The following NT5DC1 variants were observed in gnomAD, a reference collection of about 807,000 sequenced individuals.
NT5DC1 encodes 5'-nucleotidase domain containing 1, also known as 5'-nucleotidase domain-containing protein 1.
A neutral mutation model predicts 59.4 loss-of-function variants in NT5DC1; 42 were observed. The ratio of observed to expected loss-of-function variants is 0.71; its 90% confidence interval spans 0.55 to 0.92. The LOEUF is 0.92. Among genes scored for constraint, NT5DC1 ranks in the 40% least tolerant of loss-of-function variants. NT5DC1 has a pLI of 0.00. For synonymous variants in NT5DC1, 172 were observed against 188.1 expected (o/e 0.91, Z 0.70); for missense variants, 501 against 537.1 (o/e 0.93, Z 0.66).
intron 6 of NT5DC1, among the ~76,000 whole-genome samples, chr6:116,197,931 G>A (rs1421500241): frequency 6.6e-6 from 1 of 152,026 alleles, no homozygotes; most frequent in Non-Finnish European, 1.5e-5. Flanking sequence ...CTTCACCCCA[G>A]ATAGGGCTGC....
At chr6:116,166,390 A>T (rs1780467289) in intron 6 of NT5DC1, among the ~76,000 whole-genome samples, 1 of 152,216 alleles carries the variant, frequency 6.6e-6, no homozygotes, top group Non-Finnish European at 1.5e-5. Context: ...ATTCAGTTCT[A>T]ATTAAAAACA....
At chr6:116,138,995 T>C (rs780610120) in intron 6 of NT5DC1, among the ~76,000 whole-genome samples, 32 of 152,156 alleles carry the variant, frequency 2.1e-4, no homozygotes, top group Non-Finnish European at 4.0e-4. Flanking sequence ...AGTAGAACTT[T>C]TTCAGATTAA....
chr6:116,229,754 A>G (rs1204808), intron 8 of NT5DC1, among the ~76,000 whole-genome samples: 114,291 of 152,088 alleles, frequency 0.75, 44,444 homozygotes, highest in East Asian at 1. Flanking sequence ...GCCCCTGCCC[A>G]CCATTGGGAG....
intron 6 of NT5DC1, among the ~76,000 whole-genome samples, chr6:116,183,741 C>T (rs538754944): frequency 2.9e-4 from 44 of 151,832 alleles, no homozygotes; most frequent in South Asian, 1.0e-3. Context: ...CATTTTTGTA[C>T]ATTAATTTTG....
chr6:116,175,165 A>C (rs1054371857), intron 6 of NT5DC1, among the ~76,000 whole-genome samples: 1 of 152,172 alleles, frequency 6.6e-6, no homozygotes, highest in African/African-American at 2.4e-5. Context: ...TCATATATAC[A>C]TTTGTATAAT....
chr6:116,230,567 C>G lies in NT5DC1; in HGVS notation c.803-6399C>G, dbSNP rs557443204. On this transcript the variant is annotated intron_variant, in intron 8 of 11. Coordinates refer to ENST00000319550, the MANE Select transcript of NT5DC1 (RefSeq NM_152729.3). ...CCTTAGATTCTGCATTTCTAAATAA[C>G]TTGTCTGGTGAAGCAGATGCTACTG... Among the ~76,000 whole-genome samples, 104 of 152,320 alleles carry G rather than the reference C, an allele frequency of 6.8e-4. 1 individual carries two copies. Among genetic ancestry groups the G allele is most frequent in the Middle Eastern group, 3.4e-3 (1 of 294 alleles).
chr6:116,106,064 G>A (rs1391911455), intron 1 of NT5DC1, among the ~76,000 whole-genome samples, 180 bp from the exon 2 acceptor site: 2 of 152,192 alleles, frequency 1.3e-5, no homozygotes, highest in African/African-American at 4.8e-5. Flanking sequence ...GCTACCTGGG[G>A]CATGCAGGGG....
chr6:116,204,636 C>T (rs151146334), intron 6 of NT5DC1, among the ~76,000 whole-genome samples: 6 of 151,994 alleles, frequency 3.9e-5, no homozygotes, highest in Non-Finnish European at 5.9e-5. Context: ...AAGAAGTACT[C>T]ATATGTATAC....
chr6:116,127,759 ACTG>A (rs1160861366), intron 6 of NT5DC1, among the ~76,000 whole-genome samples: 2 of 152,160 alleles, frequency 1.3e-5, no homozygotes, highest in Admixed American at 6.5e-5. Context: ...GCACACACAT[ACTG>A]CTATTTGCTT....
intron 6 of NT5DC1, among the ~76,000 whole-genome samples, chr6:116,133,658 G>A (rs926218915): frequency 6.6e-6 from 1 of 151,926 alleles, no homozygotes; most frequent in Non-Finnish European, 1.5e-5. Context: ...GCCCTTGTCT[G>A]TTTAGCCATT....
At chr6:116,175,621 TTC>T (rs1415538513) in intron 6 of NT5DC1, among the ~76,000 whole-genome samples, 4 of 152,230 alleles carry the variant, frequency 2.6e-5, no homozygotes, top group African/African-American at 4.8e-5. Context: ...CACAGTTTTT[TTC>T]TCTTTGTGTT....
At chr6:116,109,025 G>A (rs1778815136) in intron 3 of NT5DC1, among the ~76,000 whole-genome samples, 3 of 152,094 alleles carry the variant, frequency 2.0e-5, no homozygotes, top group African/African-American at 4.8e-5. Context: ...GCCTCTCAAC[G>A]GTTGCTAAGG....
At chr6:116,113,631 C>T (rs1778918282) in intron 4 of NT5DC1, among the ~76,000 whole-genome samples, 1 of 152,190 alleles carries the variant, frequency 6.6e-6, no homozygotes, top group Non-Finnish European at 1.5e-5. Context: ...GGACATTCAG[C>T]CCAAGTTCAA....
chr6:116,122,591 T>C (rs1779163973), intron 6 of NT5DC1, among the ~76,000 whole-genome samples: 1 of 152,182 alleles, frequency 6.6e-6, no homozygotes, highest in South Asian at 2.1e-4. Flanking sequence ...AATACAAATA[T>C]ATAGTGTTTG....
rs763939936 is a variant in NT5DC1, at chr6:116,244,242, TCTATA to T, written c.*220_*224del. ...AAAACTTAGAACCTTATTGATATTT[TCTATA>T]CAGTAGTTTTGTGATTAGAATTCAC... On this transcript the variant is annotated 3_prime_UTR_variant, in exon 12 of 12. Transcript: ENST00000319550. 8.1e-5 allele frequency: 28 copies of T among 346,622 alleles called. No homozygotes were observed. Among genetic ancestry groups the T allele is most frequent in the Non-Finnish European group, 1.3e-4 (25 of 191,008 alleles). The allele number at this position is 346,622 out of a possible 1,614,324, so 21.5% of individuals were successfully genotyped here. A position where few individuals can be genotyped will look rare whatever the true frequency, so the allele number is the denominator to read the frequency against.
At chr6:116,240,189 G>T (rs1024842984) in intron 11 of NT5DC1, among the ~76,000 whole-genome samples, 2 of 152,098 alleles carry the variant, frequency 1.3e-5, no homozygotes, top group Non-Finnish European at 2.9e-5. Flanking sequence ...TATGTGAATT[G>T]TTTTTAGAAA....
At chr6:116,160,245 A>G (rs1219159363) in intron 6 of NT5DC1, among the ~76,000 whole-genome samples, 9 of 152,132 alleles carry the variant, frequency 5.9e-5, no homozygotes, top group Admixed American at 5.2e-4. Context: ...GTGTATATAC[A>G]TTTCCTTTTC....
chr6:116,115,693 A>T lies in NT5DC1; in HGVS notation c.367A>T (p.Lys123Ter). 6.4e-7 allele frequency: 1 copy of T among 1,561,432 alleles called. No homozygotes were observed. Among genetic ancestry groups the T allele is most frequent in the African/African-American group, 1.4e-5 (1 of 74,060 alleles). ...TTTAAAATTTTGTTCTTTTTTAGGA[A>T]AGTATTACTTTTACGACAACTACTT... ...SDTGMACRSG[K>*]YYFYDNYFDL... Residue 123 changes from lysine to a stop codon, truncating the protein, a stop_gained and splice_region_variant, in exon 5 of 12, where the codon AAG becomes TAG. Transcript: ENST00000319550. LOFTEE classifies it high-confidence loss of function.
chr6:116,205,061 A>G (rs1781423698), intron 6 of NT5DC1, among the ~76,000 whole-genome samples: 1 of 152,020 alleles, frequency 6.6e-6, no homozygotes, highest in Non-Finnish European at 1.5e-5. Context: ...TGAAAAGTAT[A>G]CAGTGCAGAA....
Sources: gnomAD v4.1 joint callset for allele counts (sites outside exome capture counted in the v4.1 genomes callset) on GRCh38, gnomAD v4.1.1 for gene constraint, MANE v1.5 for transcripts, NCBI Gene and HGNC (gene_info 2026-07-23, HGNC 2026-07-21) for gene names.